IQCM: variants seen among roughly 807,000 people sequenced by gnomAD.
IQCM encodes IQ motif containing M, also known as IQ domain-containing protein M.
In IQCM, 45 loss-of-function variants were observed where a neutral mutation model predicts 57.6. The observed-to-expected ratio is 0.78, with a 90% CI of 0.62 to 1.00. The LOEUF (loss-of-function observed/expected upper bound fraction) is 1.00, where lower values mean the gene tolerates loss of function less well. Among genes scored for constraint, IQCM ranks in the 50% least tolerant of loss-of-function variants. IQCM has a pLI of 0.00. For missense variants in IQCM, 468 were observed against 511.6 expected (o/e 0.91, Z 0.82); for synonymous variants, 148 against 158.9 (o/e 0.93, Z 0.51).
chr4:149,555,424 CA>C lies in IQCM; in HGVS notation c.949-2138del, dbSNP rs1362007479. ...ACCAATCCCAAACTTTGAATGGAAA[CA>C]AATAATGCTTTTAAGAGTGAAACAG... On this transcript the variant is annotated intron_variant, in intron 10 of 13. Coordinates refer to ENST00000636793, the MANE Select transcript of IQCM (RefSeq NM_001363507.2). Among the ~76,000 whole-genome samples the C allele has an allele frequency of 2.0e-5, 3 of 152,204 alleles. No homozygotes were observed. The East Asian group carries it at 5.8e-4, about 29-fold the overall frequency.
intron 12 of IQCM, among the ~76,000 whole-genome samples, chr4:149,530,323 C>T (rs1579382970): frequency 6.6e-6 from 1 of 152,050 alleles, no homozygotes; most frequent in East Asian, 1.9e-4. Flanking sequence ...TTCAGGAGGG[C>T]AGGAAATTTG....
chr4:149,705,177 A>T (rs999211980), intron 5 of IQCM, among the ~76,000 whole-genome samples: 49 of 146,956 alleles, frequency 3.3e-4, no homozygotes, highest in African/African-American at 1.2e-3. Flanking sequence ...AAAATATATA[A>T]AAATAAAATA....
chr4:149,618,668 G>C (rs899662652), intron 8 of IQCM, among the ~76,000 whole-genome samples: 3 of 151,932 alleles, frequency 2.0e-5, no homozygotes, highest in African/African-American at 7.3e-5. Flanking sequence ...TTAAAAAGTG[G>C]GCAAAGGACA....
At chr4:149,610,058 A>G (rs1755140825) in intron 8 of IQCM, among the ~76,000 whole-genome samples, 1 of 152,004 alleles carries the variant, frequency 6.6e-6, no homozygotes, top group Non-Finnish European at 1.5e-5. Context: ...TCAACTTACG[A>G]AAATCAGTAG....
At chr4:149,574,241 A>G (rs1751437344) in intron 9 of IQCM, among the ~76,000 whole-genome samples, 1 of 151,980 alleles carries the variant, frequency 6.6e-6, no homozygotes. Flanking sequence ...TGTAATTTTT[A>G]AATTTATCTT....
At chr4:149,358,865 C>T (rs1053594063) in intron 13 of IQCM, among the ~76,000 whole-genome samples, 6 of 151,802 alleles carry the variant, frequency 4.0e-5, no homozygotes, top group African/African-American at 1.5e-4. Context: ...GATATACTCT[C>T]ATGAGTATAT....
At chr4:149,608,960 T>C (rs753661002) in intron 8 of IQCM, among the ~76,000 whole-genome samples, 1 of 151,198 alleles carries the variant, frequency 6.6e-6, no homozygotes, top group African/African-American at 2.4e-5. Context: ...ACCAAAAAGA[T>C]GGTATCTTAA....
rs146660554 is a variant in IQCM, at chr4:149,427,500, C to T, written c.1390+5896G>A. 3.6e-3 allele frequency among the ~76,000 whole-genome samples: 545 copies of T among 152,006 alleles called. 5 individuals carry two copies. The highest frequency in any genetic ancestry group is 0.012 in the African/African-American group (510 of 41,522). ...TGGGCTTGGGAGGTAGGAGACACAG[C>T]TCTGATTTTATCATTGAAGTTTAAG... On this transcript the variant is annotated intron_variant, in intron 13 of 13. Transcript: ENST00000636793.
intron 8 of IQCM, 73 bp downstream of exon 8, chr4:149,621,056 T>A: frequency 1.6e-6 from 1 of 631,436 alleles, no homozygotes; most frequent in Non-Finnish European, 2.3e-6. Context: ...TCAAGTGCTT[T>A]CATCAAAATT....
At chr4:149,382,621 T>C (rs1271795363) in intron 13 of IQCM, among the ~76,000 whole-genome samples, 2 of 152,066 alleles carry the variant, frequency 1.3e-5, no homozygotes, top group African/African-American at 4.8e-5. Flanking sequence ...AAAAAGCTCA[T>C]GTTTTATTTG....
At chr4:149,653,109 G>A (rs1234632308) in intron 7 of IQCM, among the ~76,000 whole-genome samples, 1 of 152,090 alleles carries the variant, frequency 6.6e-6, no homozygotes, top group Non-Finnish European at 1.5e-5. Context: ...AATCAATAAA[G>A]ATCTTAACTA....
chr4:149,462,586 C>T (rs1738421996), intron 12 of IQCM, among the ~76,000 whole-genome samples: 1 of 152,132 alleles, frequency 6.6e-6, no homozygotes, highest in African/African-American at 2.4e-5. Flanking sequence ...AGGAGTATTT[C>T]CTACTGTTTG....
chr4:149,518,287 A>C (rs1202634360), intron 12 of IQCM, among the ~76,000 whole-genome samples: 1 of 152,220 alleles, frequency 6.6e-6, no homozygotes, highest in Non-Finnish European at 1.5e-5. Context: ...TAATTTACTT[A>C]GCAAAATAAG....
chr4:149,601,407 T>C (rs78285179), intron 8 of IQCM, among the ~76,000 whole-genome samples: 6,973 of 152,138 alleles, frequency 0.046, 381 homozygotes, highest in African/African-American at 0.14. Context: ...TGTGCTACCA[T>C]TTAGGGAGAA....
intron 5 of IQCM, among the ~76,000 whole-genome samples, chr4:149,700,222 A>T (rs1763662445): frequency 6.6e-6 from 1 of 152,046 alleles, no homozygotes; most frequent in African/African-American, 2.4e-5. Flanking sequence ...AGCAGGTCTG[A>T]CATACTCCTT....
chr4:149,808,242 T>C (rs1197867813), intron 2 of IQCM, among the ~76,000 whole-genome samples: 2 of 152,066 alleles, frequency 1.3e-5, no homozygotes, highest in Non-Finnish European at 2.9e-5. Flanking sequence ...ATAAAAATAA[T>C]GAAATCCTGT....
chr4:149,376,901 C>G (rs922791839), intron 13 of IQCM, among the ~76,000 whole-genome samples: 1 of 151,858 alleles, frequency 6.6e-6, no homozygotes, highest in Admixed American at 6.6e-5. Context: ...ATTGTATTTG[C>G]TTTAAATGAA....
At chr4:149,621,450 C>G (rs1756326421) in intron 7 of IQCM, among the ~76,000 whole-genome samples, 1 of 152,180 alleles carries the variant, frequency 6.6e-6, no homozygotes, top group Admixed American at 6.5e-5. Context: ...TTGGCTCCTT[C>G]ATATGGTAAG....
At chr4:149,573,706 C>G (rs534789786) in intron 9 of IQCM, among the ~76,000 whole-genome samples, 7 of 150,382 alleles carry the variant, frequency 4.7e-5, no homozygotes, top group African/African-American at 1.7e-4. Flanking sequence ...GTGGCTTAGA[C>G]AGGAGAATTG....
Sources: gnomAD v4.1 joint callset for allele counts (sites outside exome capture counted in the v4.1 genomes callset) on GRCh38, gnomAD v4.1.1 for gene constraint, MANE v1.5 for transcripts, NCBI Gene and HGNC (gene_info 2026-07-23, HGNC 2026-07-21) for gene names.